ENOX2: variants seen among roughly 807,000 people sequenced by gnomAD.
ENOX2 encodes ecto-NOX disulfide-thiol exchanger 2.
A neutral mutation model predicts 45.0 loss-of-function variants in ENOX2; 36 were observed. That is an observed-to-expected ratio of 0.80 (90% CI 0.61 to 1.06). ENOX2 has a LOEUF of 1.06. ENOX2 is among the 50% of genes least tolerant of loss of function. The probability of loss-of-function intolerance (pLI) is 0.00; values close to 1 mark genes in which losing one functional copy is unlikely to be tolerated. For synonymous variants in ENOX2, 174 were observed against 152.3 expected (o/e 1.14, Z -1.05); for missense variants, 423 against 462.5 (o/e 0.91, Z 0.78).
At chrX:130,777,646 T>C (rs1390698969) in intron 3 of ENOX2, among the ~76,000 whole-genome samples, 1 of 111,716 alleles carries the variant, frequency 9.0e-6, no homozygotes, top group African/African-American at 3.3e-5. Context: ...TTAAGTACAA[T>C]GAAGTCACAA....
Position 130,756,059 on chromosome X carries a change from C to A in ENOX2, c.-39+27488G>T. Among the ~76,000 whole-genome samples the A allele has an allele frequency of 2.7e-5, 3 of 112,272 alleles. No individual in the cohort carries two copies. In the Middle Eastern group the frequency reaches 0.014, roughly 517 times the overall value. On this transcript the variant is annotated intron_variant, in intron 3 of 14. Transcript: ENST00000394363. Reference sequence around the variant, plus strand: ...GGAACAAAAAAGCCACAAGGAAAATCTGTTTTTCAAACATTTCTAAAGCTA... The same window carrying A: ...GGAACAAAAAAGCCACAAGGAAAATATGTTTTTCAAACATTTCTAAAGCTA...
chrX:130,829,355 AT>A lies in ENOX2; in HGVS notation c.-182-45666del, dbSNP rs925250158. On this transcript the variant is annotated intron_variant, in intron 2 of 14. Transcript: ENST00000394363. ...ATCAGATAAATATTACTGCTTACTT[AT>A]TTTGTAGAAGGGGAATTTGAATATC... Among the ~76,000 whole-genome samples the A allele has an allele frequency of 6.9e-4, 77 of 111,509 alleles. 2 individuals carry two copies. Among genetic ancestry groups the A allele is most frequent in the African/African-American group, 2.4e-3 (74 of 30,766 alleles).
chrX:130,709,180 T>G, intron 3 of ENOX2: 11 of 980,158 alleles, frequency 1.1e-5, no homozygotes, highest in Non-Finnish European at 1.6e-5. Context: ...TAGGTGCCAA[T>G]AAGTGTGTTT....
chrX:130,841,337 G>C (rs1196173417), intron 2 of ENOX2, among the ~76,000 whole-genome samples: 1 of 112,059 alleles, frequency 8.9e-6, no homozygotes. Context: ...GTGGCTAAAA[G>C]ATAACACAGT....
intron 4 of ENOX2, among the ~76,000 whole-genome samples, chrX:130,693,794 T>C (rs2037680068): frequency 8.9e-6 from 1 of 112,112 alleles, no homozygotes; most frequent in African/African-American, 3.2e-5. Flanking sequence ...CAACAGAATA[T>C]GGCAGAAGGG....
At chrX:130,745,341 G>A (rs2039076251) in intron 3 of ENOX2, among the ~76,000 whole-genome samples, 1 of 111,684 alleles carries the variant, frequency 9.0e-6, no homozygotes, top group African/African-American at 3.3e-5. Context: ...TTGAAAATAT[G>A]CTAAAGTATA....
At chrX:130,802,408 A>G (rs907264000) in intron 2 of ENOX2, among the ~76,000 whole-genome samples, 18 of 112,468 alleles carry the variant, frequency 1.6e-4, no homozygotes, top group African/African-American at 5.8e-4. Flanking sequence ...CGAAAGAAGA[A>G]ACATTCGTTT....
intron 3 of ENOX2, among the ~76,000 whole-genome samples, chrX:130,724,503 T>G (rs1470213136): frequency 8.9e-6 from 1 of 112,825 alleles, no homozygotes; most frequent in East Asian, 2.8e-4. Flanking sequence ...AGCCTGTGCT[T>G]TGCAAGGAAA....
chrX:130,858,461 C>T (rs1369278539), intron 2 of ENOX2, among the ~76,000 whole-genome samples: 3 of 110,767 alleles, frequency 2.7e-5, no homozygotes, highest in Non-Finnish European at 5.7e-5. Flanking sequence ...ATAAAGCACA[C>T]CGGGAAAAAA....
chrX:130,864,724 A>G (rs1464044618), intron 2 of ENOX2, among the ~76,000 whole-genome samples: 1 of 112,251 alleles, frequency 8.9e-6, no homozygotes, highest in Non-Finnish European at 1.9e-5. Context: ...AATTGGACAT[A>G]ATCTTTTGGC....
At chrX:130,710,325 G>T (rs1459578277) in intron 3 of ENOX2, among the ~76,000 whole-genome samples, 2 of 112,038 alleles carry the variant, frequency 1.8e-5, no homozygotes, top group African/African-American at 6.5e-5. Flanking sequence ...AAACTAGGGG[G>T]TTCATCAAGT....
At chrX:130,658,647 G>A (rs1240319483) in intron 9 of ENOX2, among the ~76,000 whole-genome samples, 1 of 111,775 alleles carries the variant, frequency 8.9e-6, no homozygotes, top group African/African-American at 3.2e-5. Context: ...ATTATACAGA[G>A]GGGAACAACA....
At chrX:130,775,154 C>T (rs1329329435) in intron 3 of ENOX2, among the ~76,000 whole-genome samples, 1 of 111,479 alleles carries the variant, frequency 9.0e-6, no homozygotes, top group East Asian at 2.8e-4. Flanking sequence ...GGACAAGGCG[C>T]GTGGATGGCT....
chrX:130,632,370 G>GGGGA (rs2035782203), intron 12 of ENOX2, among the ~76,000 whole-genome samples: 1 of 47,015 alleles, frequency 2.1e-5, no homozygotes, highest in Admixed American at 2.8e-4. Flanking sequence ...GGGGCGGGGG[G>GGGGA]GGGGGGTGGT....
At chrX:130,629,130 G>A (rs1226786178) in intron 13 of ENOX2, among the ~76,000 whole-genome samples, 3 of 112,060 alleles carry the variant, frequency 2.7e-5, no homozygotes, top group African/African-American at 9.7e-5. Context: ...GGAACTGAGG[G>A]CAGGGCTCAA....
intron 4 of ENOX2, among the ~76,000 whole-genome samples, chrX:130,698,396 C>T (rs769657251): frequency 1.8e-5 from 2 of 108,867 alleles, no homozygotes; most frequent in East Asian, 2.9e-4. Flanking sequence ...AGTACAGGAG[C>T]GTGGTGGCAT....
At chrX:130,691,036 C>T (rs1367353530) in intron 4 of ENOX2, among the ~76,000 whole-genome samples, 1 of 110,961 alleles carries the variant, frequency 9.0e-6, no homozygotes, top group East Asian at 2.8e-4. Flanking sequence ...CACACACACA[C>T]ATACACACAC....
chrX:130,888,006 C>A (rs2078935924), intron 2 of ENOX2, among the ~76,000 whole-genome samples: 1 of 111,941 alleles, frequency 8.9e-6, no homozygotes, highest in South Asian at 3.7e-4. Context: ...TTCTATTGAA[C>A]ATGACATCTC....
chrX:130,892,362 C>A (rs2078998866), intron 2 of ENOX2, among the ~76,000 whole-genome samples: 1 of 112,326 alleles, frequency 8.9e-6, no homozygotes, highest in Admixed American at 9.4e-5. Flanking sequence ...ATGTGCTCTG[C>A]TTAGCAGCAG....
Sources: allele counts gnomAD v4.1 joint callset (sites outside exome capture counted in the v4.1 genomes callset), GRCh38; gene constraint gnomAD v4.1.1; transcripts MANE v1.5; gene names NCBI Gene and HGNC (gene_info 2026-07-23, HGNC 2026-07-21).